Variants in PCDHA11 observed in about 807,000 individuals in gnomAD.
PCDHA11 encodes protocadherin alpha-11.
A neutral mutation model predicts 70.3 loss-of-function variants in PCDHA11; 61 were observed. The ratio of observed to expected loss-of-function variants is 0.87; its 90% CI spans 0.71 to 1.07. PCDHA11 has a LOEUF of 1.07. Among genes scored for constraint, PCDHA11 ranks in the 50% least tolerant of loss-of-function variants. The pLI is 0.00. For missense variants in PCDHA11, 1,324 were observed against 1,237.5 expected (o/e 1.07, Z -1.05); for synonymous variants, 633 against 555.1 (o/e 1.14, Z -1.97).
intron 1 of PCDHA11, chr5:140,883,895 C>T: frequency 6.2e-7 from 1 of 1,613,426 alleles, no homozygotes; most frequent in Non-Finnish European, 8.5e-7. Flanking sequence ...CTCTGGCGTG[C>T]CGCCTCTGGG....
chr5:140,933,646 A>G (rs1459396156), intron 1 of PCDHA11, among the ~76,000 whole-genome samples: 16 of 152,120 alleles, frequency 1.1e-4, no homozygotes, highest in African/African-American at 3.9e-4. Flanking sequence ...AACAAGTTGG[A>G]AATCCTGTCT....
intron 1 of PCDHA11, chr5:140,928,199 C>T: frequency 6.2e-7 from 1 of 1,614,226 alleles, no homozygotes; most frequent in South Asian, 1.1e-5. Context: ...GTGTCAGTTG[C>T]TGATGTGAAT....
intron 1 of PCDHA11, among the ~76,000 whole-genome samples, chr5:140,953,146 A>G (rs1554220822): frequency 6.6e-6 from 1 of 152,152 alleles, no homozygotes; most frequent in Non-Finnish European, 1.5e-5. Context: ...TTATATTTCT[A>G]TGAAGGGTGT....
intron 1 of PCDHA11, among the ~76,000 whole-genome samples, chr5:140,937,848 C>G (rs939450579): frequency 1.4e-5 from 2 of 145,938 alleles, no homozygotes; most frequent in African/African-American, 2.5e-5. Flanking sequence ...GAAGGCGGAA[C>G]TTGGAGTGAG....
At position 140,871,303 on chromosome 5, in the gene PCDHA11, G is replaced by A. The variant is rs1562661921; in HGVS notation, c.2200G>A (p.Gly734Arg). 6.2e-7 allele frequency: 1 copy of A among 1,613,854 alleles called. No individual in the cohort carries two copies. The highest frequency in any genetic ancestry group is 8.5e-7 in the Non-Finnish European group (1 of 1,179,968). ...GCCCACTGAGGGCGCGTGCGCGCCG[G>A]GGAAGCCCACGCTGGTGTGCTCCCG... The part of the protein sequence containing the change: ...ATPTEGACAP[G>R]KPTLVCSRAV... Residue 734 changes from glycine to arginine, a missense_variant, in exon 1 of 4, where the codon GGG becomes AGG. By Grantham distance (125) the Gly-to-Arg change is moderately radical. Transcript: ENST00000398640.
At chr5:141,009,312 A>G (rs1355833857) in intron 3 of PCDHA11, among the ~76,000 whole-genome samples, 1 of 152,160 alleles carries the variant, frequency 6.6e-6, no homozygotes, top group Non-Finnish European at 1.5e-5. Context: ...TTAAAAAGCT[A>G]GCCTGGCATG....
chr5:141,006,127 C>CA (rs2098257011), intron 3 of PCDHA11, among the ~76,000 whole-genome samples: 1 of 147,760 alleles, frequency 6.8e-6, no homozygotes, highest in Admixed American at 6.7e-5. Flanking sequence ...TTTCTCAAGG[C>CA]AGTAGAAAGC....
intron 1 of PCDHA11, among the ~76,000 whole-genome samples, chr5:140,918,552 A>G (rs1554198667): frequency 6.6e-6 from 1 of 152,206 alleles, no homozygotes; most frequent in Admixed American, 6.5e-5. Context: ...TGTGCAATTG[A>G]GAAGAATGTA....
At chr5:140,939,051 T>G (rs1359303875) in intron 1 of PCDHA11, among the ~76,000 whole-genome samples, 1 of 152,236 alleles carries the variant, frequency 6.6e-6, no homozygotes, top group East Asian at 1.9e-4. Flanking sequence ...TTAGTCCATT[T>G]GGGCTGCTAT....
rs1387416665 is a variant in PCDHA11 at position 140,871,125 on chromosome 5, G to T, written c.2022G>T (p.Ala674=). ...TGTCGTTGGTGGAGAGCGGACAGGC[G>T]CCAAAGGCCTCTTCCCGGACTTTGG... ...VLVSLVESGQ[A]PKASSRTLAG... Residue 674 remains alanine (A), a synonymous_variant, in exon 1 of 4, where the codon GCG becomes GCT. Coordinates refer to ENST00000398640, the MANE Select transcript of PCDHA11 (RefSeq NM_018902.5). 6.2e-7 allele frequency: 1 copy of T among 1,613,330 alleles called. No homozygotes were observed. Among genetic ancestry groups the T allele is most frequent in the Non-Finnish European group, 8.5e-7 (1 of 1,179,894 alleles).
chr5:140,890,931 C>T (rs2062870447), intron 1 of PCDHA11, among the ~76,000 whole-genome samples: 1 of 152,090 alleles, frequency 6.6e-6, no homozygotes, highest in Admixed American at 6.6e-5. Context: ...TTCCTTTAGT[C>T]CAAAGATGCT....
At chr5:140,885,970 A>G (rs1554182306) in intron 1 of PCDHA11, among the ~76,000 whole-genome samples, 1 of 152,122 alleles carries the variant, frequency 6.6e-6, no homozygotes, top group Non-Finnish European at 1.5e-5. Flanking sequence ...TTTTGAGATA[A>G]TTATAGATTC....
chr5:140,987,523 T>C (rs942927324), intron 3 of PCDHA11, among the ~76,000 whole-genome samples: 1 of 152,174 alleles, frequency 6.6e-6, no homozygotes, highest in Non-Finnish European at 1.5e-5. Context: ...AGTAATTGTA[T>C]GTTCCTGGGA....
intron 1 of PCDHA11, among the ~76,000 whole-genome samples, chr5:140,886,040 C>T (rs533442744): frequency 9.2e-5 from 14 of 152,118 alleles, no homozygotes; most frequent in Non-Finnish European, 1.9e-4. Context: ...AAGTTTTCCC[C>T]AATAGTAACA....
At chr5:140,996,922 A>T (rs2097752714) in intron 3 of PCDHA11, among the ~76,000 whole-genome samples, 1 of 152,198 alleles carries the variant, frequency 6.6e-6, no homozygotes, top group African/African-American at 2.4e-5. Flanking sequence ...AATATTAAAA[A>T]ATATAGCATT....
chr5:140,981,943 G>A (rs1207723761), intron 2 of PCDHA11, among the ~76,000 whole-genome samples: 2 of 152,116 alleles, frequency 1.3e-5, no homozygotes, highest in Non-Finnish European at 2.9e-5. Flanking sequence ...GGAAATATAG[G>A]GTGGGTCATC....
chr5:140,926,629 G>A, intron 1 of PCDHA11: 1 of 406,364 alleles, frequency 2.5e-6, no homozygotes, highest in African/African-American at 2.1e-5. Context: ...GCGGCGCTGC[G>A]CTCCTCAACA....
chr5:140,897,947 T>A (rs1276045551), intron 1 of PCDHA11, among the ~76,000 whole-genome samples: 1 of 152,168 alleles, frequency 6.6e-6, no homozygotes, highest in Non-Finnish European at 1.5e-5. Context: ...CAGTGATGAT[T>A]AGCATTTTTT....
At position 140,871,316 on chromosome 5, in the gene PCDHA11, T is replaced by C; in HGVS notation, c.2213T>C (p.Leu738Pro). Reference protein sequence around the residue: ...EGACAPGKPTLVCSRAVGSWS... With the variant: ...EGACAPGKPTPVCSRAVGSWS... ...GCGTGCGCGCCGGGGAAGCCCACGC[T>C]GGTGTGCTCCCGCGCGGTGGGGAGC... The change falls in exon 1 of 4, where the codon CTG (leucine) becomes CCG (proline). Residue 738 changes from leucine (L) to proline (P), a missense_variant. Leu to Pro is a moderately conservative substitution (Grantham distance 98). Coordinates refer to ENST00000398640, the MANE Select transcript of PCDHA11 (RefSeq NM_018902.5). 1 of 1,614,034 alleles carries C rather than the reference T, an allele frequency of 6.2e-7. No homozygotes were observed. Among genetic ancestry groups the C allele is most frequent in the South Asian group, 1.1e-5 (1 of 91,076 alleles).
Sources: allele counts gnomAD v4.1 joint callset (sites outside exome capture counted in the v4.1 genomes callset), GRCh38; gene constraint gnomAD v4.1.1; transcripts MANE v1.5; gene names NCBI Gene and HGNC (gene_info 2026-07-23, HGNC 2026-07-21).